The following CNTN5 variants were observed in gnomAD, a reference collection of about 807,000 sequenced individuals.
The protein encoded by CNTN5 is contactin 5, also known as contactin-5.
In CNTN5, 77 loss-of-function variants were observed where a neutral mutation model predicts 129.1. That is an observed-to-expected ratio of 0.60 (90% CI 0.50 to 0.72). The LOEUF (loss-of-function observed/expected upper bound fraction) is 0.72. Among genes scored for constraint, CNTN5 ranks in the 30% least tolerant of loss-of-function variants. The probability of loss-of-function intolerance (pLI) is 0.00; values close to 1 mark genes in which losing one functional copy is unlikely to be tolerated. For synonymous variants in CNTN5, 509 were observed against 465.6 expected, an observed-to-expected ratio of 1.09 and a Z score of -1.20; for missense variants, 1,478 against 1,328.8, an observed-to-expected ratio of 1.11 and a Z score of -1.75.
intron 2 of CNTN5, among the ~76,000 whole-genome samples, chr11:99,365,635 T>C (rs1469666505): frequency 6.6e-6 from 1 of 152,174 alleles, no homozygotes; most frequent in South Asian, 2.1e-4. Flanking sequence ...GTAATTCTGA[T>C]AGTATGTTTC....
chr11:99,493,427 G>A (rs910083881), intron 2 of CNTN5, among the ~76,000 whole-genome samples: 2 of 152,160 alleles, frequency 1.3e-5, no homozygotes, highest in Non-Finnish European at 2.9e-5. Flanking sequence ...CATTTTATAG[G>A]TCAGTTATTG....
intron 3 of CNTN5, among the ~76,000 whole-genome samples, chr11:99,587,311 G>A (rs1483859267): frequency 6.6e-6 from 1 of 152,196 alleles, no homozygotes; most frequent in Non-Finnish European, 1.5e-5. Context: ...TAGAGAATGA[G>A]CTTTCTTTGG....
At chr11:99,631,648 T>A (rs1565369025) in intron 3 of CNTN5, among the ~76,000 whole-genome samples, 1 of 152,066 alleles carries the variant, frequency 6.6e-6, no homozygotes. Context: ...CAAATACTTT[T>A]TTTTTTACTT....
rs185838639 is a variant in CNTN5 at position 99,821,682 on chromosome 11, C to G, written c.277+1917C>G. ...AACAACAAAATGAGAAGTAGTAATTCTCTAAAACTGTGCTCCTCAATCTTT... is the reference window on the plus strand; with the variant it reads ...AACAACAAAATGAGAAGTAGTAATTGTCTAAAACTGTGCTCCTCAATCTTT... On this transcript the variant is annotated intron_variant, in intron 4 of 24. Coordinates refer to ENST00000524871, the MANE Select transcript of CNTN5 (RefSeq NM_014361.4). 2.1e-3 allele frequency among the ~76,000 whole-genome samples: 322 copies of G among 152,192 alleles called. 3 individuals carry two copies. Among genetic ancestry groups the G allele is most frequent in the African/African-American group, 7.4e-3 (308 of 41,524 alleles).
chr11:100,199,212 A>G (rs950911660), intron 15 of CNTN5, among the ~76,000 whole-genome samples: 3 of 151,858 alleles, frequency 2.0e-5, no homozygotes, highest in Non-Finnish European at 4.4e-5. Context: ...AAAGGGCGGA[A>G]GATCTAACAA....
At chr11:99,986,108 C>G (rs1024251597) in intron 8 of CNTN5, among the ~76,000 whole-genome samples, 3 of 152,166 alleles carry the variant, frequency 2.0e-5, no homozygotes, top group African/African-American at 7.2e-5. Context: ...TTCCTTTTAT[C>G]AGTTCACCAC....
At chr11:99,593,403 T>C (rs1404573974) in intron 3 of CNTN5, among the ~76,000 whole-genome samples, 1 of 152,170 alleles carries the variant, frequency 6.6e-6, no homozygotes, top group East Asian at 1.9e-4. Context: ...GTTGTTTGAT[T>C]CTTTAAGTGA....
At chr11:99,266,458 C>T (rs905531993) in intron 1 of CNTN5, among the ~76,000 whole-genome samples, 3 of 151,872 alleles carry the variant, frequency 2.0e-5, no homozygotes, top group African/African-American at 7.3e-5. Flanking sequence ...AAAAGTTATC[C>T]AGGCATGGTG....
At chr11:99,336,986 TA>T (rs1267626298) in intron 2 of CNTN5, among the ~76,000 whole-genome samples, 1 of 152,160 alleles carries the variant, frequency 6.6e-6, no homozygotes, top group East Asian at 1.9e-4. Context: ...TAAAGAAATT[TA>T]ACAAGAATTT....
chr11:100,186,781 G>A (rs1042290858), intron 13 of CNTN5, among the ~76,000 whole-genome samples: 3 of 152,126 alleles, frequency 2.0e-5, no homozygotes, highest in Non-Finnish European at 4.4e-5. Context: ...CTATAATGTA[G>A]AAGCCACATG....
intron 10 of CNTN5, 47 bp from the exon 11 acceptor site, chr11:100,070,377 C>T (rs1255166734): frequency 7.7e-6 from 12 of 1,557,662 alleles, no homozygotes; most frequent in South Asian, 3.5e-5. Flanking sequence ...CTTGGTAAAG[C>T]GTTTGAGAAA....
chr11:99,383,582 A>G (rs1163672564), intron 2 of CNTN5, among the ~76,000 whole-genome samples: 1 of 147,308 alleles, frequency 6.8e-6, no homozygotes, highest in Non-Finnish European at 1.5e-5. Flanking sequence ...TCATATATTT[A>G]GGTTGAGAAG....
intron 15 of CNTN5, among the ~76,000 whole-genome samples, chr11:100,211,729 A>G (rs559571783): frequency 5.9e-5 from 9 of 152,322 alleles, no homozygotes; most frequent in Non-Finnish European, 1.2e-4. Flanking sequence ...CCTAGCTTTC[A>G]GCTCTAAGTC....
rs570342461 is a variant in CNTN5, at chr11:100,001,556, T to C, written c.878-478T>C. Among the ~76,000 whole-genome samples, 4 of 152,346 alleles carry C rather than the reference T, an allele frequency of 2.6e-5. No individual in the cohort carries two copies. The South Asian group carries it at 8.3e-4, about 32-fold the overall frequency. On this transcript the variant is annotated intron_variant, in intron 8 of 24. Coordinates refer to ENST00000524871, the MANE Select transcript of CNTN5 (RefSeq NM_014361.4). ...GAGTGTACAGTATGTTGTTTCTCTC[T>C]TTAAGAATATAGTTGCTGAGTGCTT... is the stretch of plus-strand genomic sequence containing the variant.
intron 3 of CNTN5, among the ~76,000 whole-genome samples, chr11:99,792,499 T>G (rs184738583): frequency 6.6e-6 from 1 of 151,910 alleles, no homozygotes. Context: ...GTTGAGAATT[T>G]TTGAATCTAT....
intron 2 of CNTN5, among the ~76,000 whole-genome samples, chr11:99,482,936 A>C (rs1371656388): frequency 6.6e-6 from 1 of 151,940 alleles, no homozygotes; most frequent in African/African-American, 2.4e-5. Context: ...TTAAAACTCA[A>C]ATACTGAGGC....
At chr11:99,207,157 T>C (rs1859526982) in intron 1 of CNTN5, among the ~76,000 whole-genome samples, 1 of 152,110 alleles carries the variant, frequency 6.6e-6, no homozygotes, top group Non-Finnish European at 1.5e-5. Context: ...AAATCTGAAA[T>C]AGGGATACAT....
At chr11:99,158,430 G>T (rs1033701112) in intron 1 of CNTN5, among the ~76,000 whole-genome samples, 3 of 151,922 alleles carry the variant, frequency 2.0e-5, no homozygotes, top group Non-Finnish European at 4.4e-5. Flanking sequence ...TTTTTATGTT[G>T]TTATCATTTA....
intron 2 of CNTN5, among the ~76,000 whole-genome samples, chr11:99,359,040 G>T (rs991187864): frequency 3.3e-5 from 5 of 152,014 alleles, no homozygotes; most frequent in Admixed American, 3.3e-4. Context: ...TTTATTTGTA[G>T]TTTCATCACA....
Sources: allele counts gnomAD v4.1 joint callset (sites outside exome capture counted in the v4.1 genomes callset), GRCh38; gene constraint gnomAD v4.1.1; transcripts MANE v1.5; gene names NCBI Gene and HGNC (gene_info 2026-07-23, HGNC 2026-07-21).